The following PAPPA variants were observed in gnomAD, a reference collection of about 807,000 sequenced individuals.
PAPPA encodes the protein pappalysin-1.
Under a neutral mutation model 164.0 loss-of-function variants are expected in PAPPA, and 60 were observed. The observed-to-expected ratio is 0.37, with a 90% CI of 0.30 to 0.45. The LOEUF is 0.45. Among genes scored for constraint, PAPPA ranks in the 20% least tolerant of loss-of-function variants. PAPPA has a pLI of 1.00. For synonymous variants in PAPPA, 875 were observed against 814.1 expected (o/e 1.07, Z -1.27); for missense variants, 1,782 against 2,087.3 (o/e 0.85, Z 2.85).
chr9:116,322,474 G>A (rs1354028207), intron 10 of PAPPA, among the ~76,000 whole-genome samples: 1 of 151,560 alleles, frequency 6.6e-6, no homozygotes, highest in Non-Finnish European at 1.5e-5. Context: ...AAGCACTGAG[G>A]AGGGAGAACA....
At chr9:116,312,480 G>A (rs576077798) in intron 10 of PAPPA, among the ~76,000 whole-genome samples, 37 of 152,042 alleles carry the variant, frequency 2.4e-4, no homozygotes, top group African/African-American at 8.2e-4. Flanking sequence ...TGAGCCTGCT[G>A]CTTTGGCGGT....
At chr9:116,319,587 T>C (rs1419434334) in intron 10 of PAPPA, among the ~76,000 whole-genome samples, 1 of 152,196 alleles carries the variant, frequency 6.6e-6, no homozygotes, top group Non-Finnish European at 1.5e-5. Context: ...ATGGTGTCCA[T>C]GGAGGTGGAA....
At chr9:116,353,541 C>A (rs1294642640) in intron 16 of PAPPA, 81 bp from the exon 17 acceptor site, 35 of 1,265,832 alleles carry the variant, frequency 2.8e-5, no homozygotes, top group Non-Finnish European at 3.7e-5. Context: ...GAAATGGGGG[C>A]CCAGCTGGTG....
intron 3 of PAPPA, among the ~76,000 whole-genome samples, chr9:116,208,631 C>T (rs1486919595): frequency 6.6e-6 from 1 of 152,214 alleles, no homozygotes; most frequent in Admixed American, 6.5e-5. Context: ...TCAGGCTCAG[C>T]AGTGACAGTG....
chr9:116,257,594 C>T (rs1439599466), intron 7 of PAPPA, among the ~76,000 whole-genome samples: 4 of 151,782 alleles, frequency 2.6e-5, no homozygotes, highest in Non-Finnish European at 2.9e-5. Flanking sequence ...CCCAGCTACT[C>T]GGGAGGCTGA....
intron 9 of PAPPA, among the ~76,000 whole-genome samples, chr9:116,284,578 A>G (rs1176459475): frequency 1.7e-5 from 2 of 119,722 alleles, no homozygotes; most frequent in Non-Finnish European, 3.2e-5. Flanking sequence ...TGACCCATGA[A>G]CTTGTATATC....
At chr9:116,380,634 G>T (rs978669831) in intron 20 of PAPPA, among the ~76,000 whole-genome samples, 1 of 152,216 alleles carries the variant, frequency 6.6e-6, no homozygotes, top group Non-Finnish European at 1.5e-5. Flanking sequence ...GCTCTAATGT[G>T]GATGTGATGT....
chr9:116,333,177 T>C (rs1023870475), intron 12 of PAPPA, among the ~76,000 whole-genome samples: 1 of 152,090 alleles, frequency 6.6e-6, no homozygotes, highest in African/African-American at 2.4e-5. Context: ...GAGGTTTGGA[T>C]CCTGTCCCCA....
At chr9:116,196,582 G>A (rs949397530) in intron 2 of PAPPA, among the ~76,000 whole-genome samples, 1 of 152,198 alleles carries the variant, frequency 6.6e-6, no homozygotes, top group African/African-American at 2.4e-5. Context: ...CTGCTGGGCA[G>A]TTTTCCACCT....
At chr9:116,392,973 T>A (rs1846914630) in intron 21 of PAPPA, among the ~76,000 whole-genome samples, 1 of 152,166 alleles carries the variant, frequency 6.6e-6, no homozygotes, top group South Asian at 2.1e-4. Context: ...TCCTAGGCTT[T>A]GTCATATTCT....
At chr9:116,250,517 G>C (rs1267170568) in intron 7 of PAPPA, among the ~76,000 whole-genome samples, 1 of 152,182 alleles carries the variant, frequency 6.6e-6, no homozygotes, top group Non-Finnish European at 1.5e-5. Context: ...GAAACTTGGA[G>C]TAAGTGATAT....
chr9:116,315,949 A>G (rs927741420), intron 10 of PAPPA, among the ~76,000 whole-genome samples: 2 of 152,150 alleles, frequency 1.3e-5, no homozygotes, highest in Admixed American at 6.6e-5. Context: ...TGTTTTTTGT[A>G]CATTTAAACC....
intron 4 of PAPPA, among the ~76,000 whole-genome samples, chr9:116,219,523 G>A (rs1469839963): frequency 6.6e-6 from 1 of 152,156 alleles, no homozygotes; most frequent in African/African-American, 2.4e-5. Context: ...ACAAGTGAAT[G>A]AATGAATGAA....
chr9:116,278,317 A>G (rs1845226192), intron 9 of PAPPA, among the ~76,000 whole-genome samples: 1 of 152,236 alleles, frequency 6.6e-6, no homozygotes, highest in East Asian at 1.9e-4. Context: ...GTGAATATCC[A>G]AAGTCATATA....
chr9:116,305,594 C>T (rs1702473864), intron 10 of PAPPA, among the ~76,000 whole-genome samples: 2 of 152,154 alleles, frequency 1.3e-5, no homozygotes, highest in South Asian at 2.1e-4. Context: ...TCAAGGTCCA[C>T]CAGGCACTGG....
At chr9:116,367,314 G>T (rs887292006) in intron 18 of PAPPA, among the ~76,000 whole-genome samples, 1 of 152,178 alleles carries the variant, frequency 6.6e-6, no homozygotes, top group Non-Finnish European at 1.5e-5. Flanking sequence ...CAGACCGCAG[G>T]AGGCACTGAG....
intron 12 of PAPPA, among the ~76,000 whole-genome samples, chr9:116,333,117 C>T (rs893796946): frequency 1.3e-5 from 2 of 152,072 alleles, no homozygotes; most frequent in Non-Finnish European, 2.9e-5. Flanking sequence ...TTTGAATACC[C>T]ACATGCACCG....
chr9:116,310,057 A>T (rs1845696502), intron 10 of PAPPA, among the ~76,000 whole-genome samples: 1 of 152,232 alleles, frequency 6.6e-6, no homozygotes, highest in Non-Finnish European at 1.5e-5. Context: ...GCATTAAAAC[A>T]GCCTCACTTG....
chr9:116,386,110 TTA>T (rs1478906527), intron 21 of PAPPA, among the ~76,000 whole-genome samples: 3 of 152,180 alleles, frequency 2.0e-5, no homozygotes, highest in Admixed American at 6.5e-5. Flanking sequence ...GAAGTATGGA[TTA>T]GAGAGACTAA....
Sources: allele counts gnomAD v4.1 joint callset (sites outside exome capture counted in the v4.1 genomes callset), GRCh38; gene constraint gnomAD v4.1.1; transcripts MANE v1.5; gene names NCBI Gene and HGNC (gene_info 2026-07-23, HGNC 2026-07-21).